OR56A3: variants seen among roughly 807,000 people sequenced by gnomAD.
The protein encoded by OR56A3 is olfactory receptor 56A3.
OR56A3 carries 23 observed loss-of-function variants against 17.5 expected under a neutral mutation model. That is an observed-to-expected ratio of 1.32 (90% CI 0.95 to 1.87). The LOEUF (loss-of-function observed/expected upper bound fraction) is 1.87, where lower values mean the gene tolerates loss of function less well. Among genes scored for constraint, OR56A3 ranks in the 40% most tolerant of loss-of-function variants. OR56A3 has a pLI of 0.00. For synonymous variants in OR56A3, 175 were observed against 150.6 expected, an observed-to-expected ratio of 1.16 and a Z score of -1.19; for missense variants, 366 against 380.1, an observed-to-expected ratio of 0.96 and a Z score of 0.31.
chr11:5,953,628 C>T (rs1040280547), downstream of OR56A3, among the ~76,000 whole-genome samples: 1 of 152,122 alleles, frequency 6.6e-6, no homozygotes, highest in Non-Finnish European at 1.5e-5. Flanking sequence ...GACCCAAATC[C>T]AGGACCAGGA....
At chr11:6,005,769 C>A in the OR56A3 span, among the ~76,000 whole-genome samples, 1 of 152,196 alleles carries the variant, frequency 6.6e-6, no homozygotes, top group Non-Finnish European at 1.5e-5. Flanking sequence ...GGCTAGCTAG[C>A]TCTCTACCAT....
At chr11:5,972,493 G>A in the OR56A3 span, among the ~76,000 whole-genome samples, 1 of 152,102 alleles carries the variant, frequency 6.6e-6, no homozygotes, top group African/African-American at 2.4e-5. Context: ...ATTAGGTCCT[G>A]CTTGAGGAAT....
the OR56A3 span, chr11:5,995,005 GT>G: frequency 2.7e-5 from 18 of 671,578 alleles, no homozygotes; most frequent in South Asian, 2.6e-4. Flanking sequence ...CTGGAAGCTG[GT>G]GGACCAGAAC....
At chr11:6,002,389 G>T in the OR56A3 span, 1 of 1,614,176 alleles carries the variant, frequency 6.2e-7, no homozygotes, top group African/African-American at 1.3e-5. Flanking sequence ...GCCACAAACT[G>T]GTAGAGCTGA....
At chr11:5,993,328 A>C in the OR56A3 span, among the ~76,000 whole-genome samples, 1 of 152,186 alleles carries the variant, frequency 6.6e-6, no homozygotes, top group South Asian at 2.1e-4. Flanking sequence ...TCCTATGAGA[A>C]TGGATGAGAA....
At chr11:5,960,908 G>A in the OR56A3 span, among the ~76,000 whole-genome samples, 3 of 150,750 alleles carry the variant, frequency 2.0e-5, no homozygotes, top group South Asian at 2.1e-4. Flanking sequence ...GCCTCTGCCC[G>A]GCCGTGACCC....
the OR56A3 span, among the ~76,000 whole-genome samples, chr11:5,987,594 T>C: frequency 6.6e-6 from 1 of 152,330 alleles, no homozygotes; most frequent in East Asian, 1.9e-4. Flanking sequence ...CACCTATTTT[T>C]CCCAAATTTG....
chr11:5,975,918 T>A, the OR56A3 span, among the ~76,000 whole-genome samples: 3 of 151,754 alleles, frequency 2.0e-5, no homozygotes, highest in Non-Finnish European at 2.9e-5. Flanking sequence ...ATATTAAATT[T>A]AAAAAAAGAA....
At chr11:5,985,774 C>A in the OR56A3 span, 3 of 622,946 alleles carry the variant, frequency 4.8e-6, no homozygotes, top group Non-Finnish European at 5.3e-6. Flanking sequence ...CCAGGTACAT[C>A]CCAATAAGCC....
At chr11:6,008,669 C>T in the OR56A3 span, among the ~76,000 whole-genome samples, 16 of 151,866 alleles carry the variant, frequency 1.1e-4, no homozygotes, top group South Asian at 2.3e-3. Context: ...ATGGTAGTTG[C>T]GAGGATAAAA....
At chr11:5,955,040 C>T (rs1847925579), downstream of OR56A3, among the ~76,000 whole-genome samples, 1 of 152,106 alleles carries the variant, frequency 6.6e-6, no homozygotes, top group South Asian at 2.1e-4. Flanking sequence ...AAAGAACAAT[C>T]ACTGGGGAAA....
At chr11:6,020,231 G>A in the OR56A3 span, 1 of 152,066 alleles carries the variant, frequency 6.6e-6, no homozygotes, top group Non-Finnish European at 1.5e-5. Context: ...TGTCAAGGCA[G>A]ATTTCAAGTA....
chr11:6,007,594 A>T, the OR56A3 span, among the ~76,000 whole-genome samples: 1 of 152,146 alleles, frequency 6.6e-6, no homozygotes, highest in Admixed American at 6.5e-5. Context: ...AAAATAAGAA[A>T]GGAAAGATAG....
chr11:6,011,511 C>T, the OR56A3 span, among the ~76,000 whole-genome samples: 1 of 152,118 alleles, frequency 6.6e-6, no homozygotes, highest in East Asian at 1.9e-4. Context: ...CAAAACATGT[C>T]CTGACATTAT....
the OR56A3 span, chr11:5,986,121 A>T: frequency 3.7e-6 from 6 of 1,613,904 alleles, no homozygotes; most frequent in Middle Eastern, 1.6e-4. Flanking sequence ...TTCCAGGGAC[A>T]TAGAAGACCA....
chr11:6,001,389 A>C, the OR56A3 span: 1 of 152,318 alleles, frequency 6.6e-6, no homozygotes, highest in Non-Finnish European at 1.5e-5. Flanking sequence ...TTACAAACCA[A>C]AAACTGAAGA....
the OR56A3 span, among the ~76,000 whole-genome samples, chr11:6,018,206 G>GA: frequency 2.6e-5 from 4 of 152,022 alleles, no homozygotes; most frequent in Non-Finnish European, 4.4e-5. Flanking sequence ...AGTCAACAAA[G>GA]AAAAATTGAG....
the OR56A3 span, chr11:5,968,181 A>G: frequency 1.5e-5 from 25 of 1,614,186 alleles, no homozygotes; most frequent in African/African-American, 2.8e-4. Context: ...GTTCATGATG[A>G]ACACCTGAAG....
chr11:5,953,582 C>T (rs553978810), downstream of OR56A3, among the ~76,000 whole-genome samples: 32 of 152,274 alleles, frequency 2.1e-4, no homozygotes, highest in African/African-American at 7.5e-4. Flanking sequence ...ATCAGTAGAT[C>T]TGGCTGCATA....
Sources: allele counts gnomAD v4.1 joint callset (sites outside exome capture counted in the v4.1 genomes callset), GRCh38; gene constraint gnomAD v4.1.1; transcripts MANE v1.5; gene names NCBI Gene and HGNC (gene_info 2026-07-23, HGNC 2026-07-21).